Variants in ATP11A observed in about 807,000 individuals in gnomAD.
The protein encoded by ATP11A is phospholipid-transporting ATPase IH.
In ATP11A, 81 loss-of-function variants were observed where a neutral mutation model predicts 154.4. That is an observed-to-expected ratio of 0.52 (90% CI 0.44 to 0.63). The LOEUF (loss-of-function observed/expected upper bound fraction) is 0.63, where lower values mean the gene tolerates loss of function less well. Ranked by LOEUF, ATP11A falls within the 30% of genes least tolerant of loss-of-function variation. The pLI, the probability that ATP11A is intolerant of heterozygous loss-of-function variation, is 0.00. For synonymous variants in ATP11A, 623 were observed against 585.9 expected (o/e 1.06, Z -0.91); for missense variants, 1,316 against 1,474.3 (o/e 0.89, Z 1.76).
chr13:112,813,721 G>T lies in ATP11A; in HGVS notation c.442-2362G>T, dbSNP rs142773088. Among the ~76,000 whole-genome samples, 30 of 151,896 alleles carry T rather than the reference G, an allele frequency of 2.0e-4. No individual in the cohort carries two copies. The East Asian group carries it at 3.9e-3, about 20-fold the overall frequency. ...CATGGCCATCCCATTTCATTCCCAC[G>T]CACGACGTTGCCAGCATCTTCACCA... is the stretch of plus-strand genomic sequence containing the variant. On this transcript the variant is annotated intron_variant, in intron 5 of 29. Coordinates refer to ENST00000375645, the MANE Select transcript of ATP11A (RefSeq NM_015205.3).
Position 112,740,144 on chromosome 13 carries a change from CTCTCTA to C in ATP11A, c.40-44989_40-44984del, listed in dbSNP as rs1247764740. Among the ~76,000 whole-genome samples the C allele has an allele frequency of 1.5e-4, 16 of 107,312 alleles. No individual in the cohort carries two copies. The East Asian group carries it at 2.5e-3, about 17-fold the overall frequency. 70.4% of individuals were successfully genotyped at this position (107,312 alleles called of 152,430 possible). ...ATGTGAATTCTCTCTCTCTCTCTCT[CTCTCTA>C]TATATATATATATATATATAGATAT... On this transcript the variant is annotated intron_variant, in intron 1 of 29. Coordinates refer to ENST00000375645, the MANE Select transcript of ATP11A (RefSeq NM_015205.3).
In ATP11A at chr13:112,824,324, C is replaced by T. The variant is rs370050667; in HGVS notation, c.791-20C>T. The T allele has an allele frequency of 6.2e-7, 1 of 1,602,500 alleles. No homozygotes were observed. Among genetic ancestry groups the T allele is most frequent in the Non-Finnish European group, 8.6e-7 (1 of 1,169,454 alleles). On this transcript the variant is annotated intron_variant, in intron 9 of 29. Transcript: ENST00000375645. ...ACACACTTGCGCCCTGGTCATCACC[C>T]TTGCTCTTCCTCTCTGTAGGTGTGG... is the stretch of plus-strand genomic sequence containing the variant.
At chr13:112,863,537 G>A (rs879172942) in intron 25 of ATP11A, among the ~76,000 whole-genome samples, 10 of 117,348 alleles carry the variant, frequency 8.5e-5, no homozygotes, top group Non-Finnish European at 1.2e-4. Flanking sequence ...AGCATAGCAC[G>A]TGCAGCTTCC....
chr13:112,701,663 T>C (rs1360307596), intron 1 of ATP11A, among the ~76,000 whole-genome samples: 1 of 152,056 alleles, frequency 6.6e-6, no homozygotes, highest in African/African-American at 2.4e-5. Flanking sequence ...AAACCCCGTC[T>C]TTCCTAAAAA....
intron 18 of ATP11A, 62 bp from the exon 19 acceptor site, chr13:112,854,217 A>T (rs1310462094): frequency 3.9e-6 from 6 of 1,538,874 alleles, no homozygotes; most frequent in Non-Finnish European, 5.2e-6. Context: ...GCAGTTCCTT[A>T]TTTGGATTCC....
At chr13:112,846,735 T>C (rs2079620532) in intron 17 of ATP11A, among the ~76,000 whole-genome samples, 1 of 152,210 alleles carries the variant, frequency 6.6e-6, no homozygotes, top group African/African-American at 2.4e-5. Context: ...TGTTGGATGC[T>C]GGGTATCGTG....
At chr13:112,869,270 G>C (rs2080435869) in intron 25 of ATP11A, among the ~76,000 whole-genome samples, 1 of 152,248 alleles carries the variant, frequency 6.6e-6, no homozygotes, top group Non-Finnish European at 1.5e-5. Context: ...CAAGGTGCCT[G>C]ATTCTGGATT....
chr13:112,799,730 G>A (rs2078084831), intron 2 of ATP11A, among the ~76,000 whole-genome samples: 1 of 152,198 alleles, frequency 6.6e-6, no homozygotes. Flanking sequence ...AACAATAGCA[G>A]ACCACACATT....
At chr13:112,721,688 C>T (rs766370049) in intron 1 of ATP11A, among the ~76,000 whole-genome samples, 18 of 152,220 alleles carry the variant, frequency 1.2e-4, no homozygotes, top group Non-Finnish European at 2.6e-4. Flanking sequence ...GGTGCTCCCT[C>T]TCCTCCACGG....
Position 112,783,586 on chromosome 13 carries a change from C to T in ATP11A, c.40-1549C>T, listed in dbSNP as rs563699328. ...CTTCCCGTCCCACTGCACCAGCATT[C>T]CCCTCATGGAGGAGGCTTCCGTCTC... is the stretch of plus-strand genomic sequence containing the variant. On this transcript the variant is annotated intron_variant, in intron 1 of 29. Coordinates refer to ENST00000375645, the MANE Select transcript of ATP11A (RefSeq NM_015205.3). 1.7e-4 allele frequency among the ~76,000 whole-genome samples: 26 copies of T among 152,362 alleles called. No homozygotes were observed. In the South Asian group the frequency reaches 3.3e-3, roughly 19 times the overall value.
intron 2 of ATP11A, among the ~76,000 whole-genome samples, chr13:112,796,691 T>G (rs974829920): frequency 5.3e-5 from 8 of 152,234 alleles, no homozygotes; most frequent in Non-Finnish European, 1.0e-4. Context: ...TATAGCAGCA[T>G]AAGAAACTCA....
chr13:112,774,865 G>A (rs561424817), intron 1 of ATP11A, among the ~76,000 whole-genome samples: 4 of 152,366 alleles, frequency 2.6e-5, no homozygotes, highest in Admixed American at 6.5e-5. Flanking sequence ...CATGTCTACC[G>A]GCATCGGTGA....
intron 1 of ATP11A, chr13:112,717,552 A>G (rs1888608276): frequency 6.6e-6 from 1 of 152,230 alleles, no homozygotes; most frequent in African/African-American, 2.4e-5. Context: ...CTGAATGTAC[A>G]ACCTTCACAT....
At chr13:112,783,119 C>T (rs1334352730) in intron 1 of ATP11A, among the ~76,000 whole-genome samples, 2 of 152,200 alleles carry the variant, frequency 1.3e-5, no homozygotes, top group Non-Finnish European at 2.9e-5. Context: ...GACATTCACA[C>T]AGCTCCTGTC....
Position 112,882,942 on chromosome 13 carries a change from C to T in ATP11A, c.*1076C>T. ...GACACGGGTGGATCCCAACAGGCAGCACCGCACCTCTGCCCGCCTCCCGCA... is the reference window on the plus strand; with the variant it reads ...GACACGGGTGGATCCCAACAGGCAGTACCGCACCTCTGCCCGCCTCCCGCA... On this transcript the variant is annotated 3_prime_UTR_variant, in exon 30 of 30. Coordinates refer to ENST00000375645, the MANE Select transcript of ATP11A (RefSeq NM_015205.3). The surrounding 1 kb of genome is among the most constrained non-coding windows in gnomAD (Gnocchi z 5.1). 2.5e-6 allele frequency: 1 copy of T among 399,298 alleles called. No homozygotes were observed. Among genetic ancestry groups the T allele is most frequent in the Non-Finnish European group, 4.4e-6 (1 of 226,582 alleles). 24.7% of individuals were successfully genotyped at this position (399,298 alleles called of 1,614,324 possible). A position where few individuals can be genotyped will look rare whatever the true frequency, so the allele number is the denominator to read the frequency against.
chr13:112,770,362 A>G (rs1347264277), intron 1 of ATP11A, among the ~76,000 whole-genome samples: 14 of 152,216 alleles, frequency 9.2e-5, no homozygotes, highest in African/African-American at 3.4e-4. Flanking sequence ...TGGCAGGAGA[A>G]TGCCACTGAG....
chr13:112,740,146 CTCTATATATA>C (rs1422573872), intron 1 of ATP11A, among the ~76,000 whole-genome samples: 24 of 112,522 alleles, frequency 2.1e-4, no homozygotes, highest in African/African-American at 6.8e-4. Context: ...CTCTCTCTCT[CTCTATATATA>C]TATATATATA....
At chr13:112,745,787 G>T (rs1318214181) in intron 1 of ATP11A, 1 of 152,048 alleles carries the variant, frequency 6.6e-6, no homozygotes. Flanking sequence ...AAAAAAGCAT[G>T]CATGGAACTG....
Position 112,855,958 on chromosome 13 carries a change from C to T in ATP11A, c.2291C>T (p.Ala764Val). 1 of 1,614,210 alleles carries T rather than the reference C, an allele frequency of 6.2e-7. No individual in the cohort carries two copies. The highest frequency in any genetic ancestry group is 8.5e-7 in the Non-Finnish European group (1 of 1,180,036). ...TACGGTTTAATTATCGACGGAGCTG[C>T]ACTGTCTCTGATAATGAAGCCTCGA... Reference protein sequence around the residue: ...QDYGLIIDGAALSLIMKPRED... With the variant: ...QDYGLIIDGAVLSLIMKPRED... The change falls in exon 20 of 30, where the codon GCA becomes GTA. Residue 764 changes from alanine (A) to valine (V), a missense_variant. Transcript: ENST00000375645.
Sources: allele counts gnomAD v4.1 joint callset (sites outside exome capture counted in the v4.1 genomes callset), GRCh38; gene constraint gnomAD v4.1.1; non-coding constraint Gnocchi (gnomAD v3.1); transcripts MANE v1.5; gene names NCBI Gene and HGNC (gene_info 2026-07-23, HGNC 2026-07-21).